The following CSMD3 variants were observed in gnomAD, a reference collection of about 807,000 sequenced individuals.
CSMD3 encodes the protein CUB and sushi domain-containing protein 3.
Under a neutral mutation model 435.2 loss-of-function variants are expected in CSMD3, and 177 were observed. That is an observed-to-expected ratio of 0.41 (90% CI 0.36 to 0.46). The LOEUF (loss-of-function observed/expected upper bound fraction) is 0.46, where lower values mean the gene tolerates loss of function less well. Ranked by LOEUF, CSMD3 falls within the 20% of genes least tolerant of loss-of-function variation. The pLI is 0.34. For missense variants in CSMD3, 4,265 were observed against 4,504.6 expected, an observed-to-expected ratio of 0.95 and a Z score of 1.52; for synonymous variants, 1,656 against 1,520.5, an observed-to-expected ratio of 1.09 and a Z score of -2.07.
Position 112,858,696 on chromosome 8 carries a change from T to C in CSMD3, c.1755+449A>G, listed in dbSNP as rs1421524022. On this transcript the variant is annotated intron_variant, in intron 11 of 70. Coordinates refer to ENST00000297405, the MANE Select transcript of CSMD3 (RefSeq NM_198123.2). ...AATATCCATAATATAAATTCTTTAT[T>C]AGTGCAGAGCACATTAAACCAACTA... Among the ~76,000 whole-genome samples, 4 of 151,866 alleles carry C rather than the reference T, an allele frequency of 2.6e-5. No homozygotes were observed. The South Asian group carries it at 8.3e-4, about 31-fold the overall frequency.
At position 112,365,480 on chromosome 8, in the gene CSMD3, T is replaced by A. The variant is rs1315701487; in HGVS notation, c.6137-12946A>T. 1.2e-3 allele frequency among the ~76,000 whole-genome samples: 182 copies of A among 149,196 alleles called. 1 individual carries two copies. Among genetic ancestry groups the A allele is most frequent in the African/African-American group, 4.1e-3 (169 of 40,748 alleles). ...ACGCATAGATTTCCTTTTTTTTTTTTTTTTTTTTTTTTACCAAATGGACTT... is the reference window on the plus strand; with the variant it reads ...ACGCATAGATTTCCTTTTTTTTTTTATTTTTTTTTTTTACCAAATGGACTT... On this transcript the variant is annotated intron_variant, in intron 38 of 70. Transcript: ENST00000297405.
At chr8:112,340,923 C>T (rs918540106) in intron 42 of CSMD3, among the ~76,000 whole-genome samples, 4 of 151,994 alleles carry the variant, frequency 2.6e-5, no homozygotes, top group African/African-American at 4.8e-5. Context: ...CTACTTACGC[C>T]CAAACCCTTT....
chr8:112,920,995 GCGCACACACACACACACA>G (rs2082723752), intron 10 of CSMD3, among the ~76,000 whole-genome samples: 1 of 108,894 alleles, frequency 9.2e-6, no homozygotes, highest in Non-Finnish European at 1.9e-5. Context: ...ATACGCGCGC[GCGCACACACACACACACA>G]CACACACACA....
chr8:113,112,398 T>C (rs2090672869), intron 4 of CSMD3, among the ~76,000 whole-genome samples: 5 of 1,612 alleles, frequency 3.1e-3, no homozygotes, highest in South Asian at 0.018. Flanking sequence ...TATATATATA[T>C]ATATATATAT....
At chr8:112,340,782 CA>C (rs1233792112) in intron 42 of CSMD3, among the ~76,000 whole-genome samples, 3 of 152,040 alleles carry the variant, frequency 2.0e-5, no homozygotes, top group Non-Finnish European at 2.9e-5. Flanking sequence ...ACCTTACATA[CA>C]TTTTTTAATA....
At chr8:112,296,771 T>A (rs1324143711) in intron 53 of CSMD3, among the ~76,000 whole-genome samples, 1 of 151,752 alleles carries the variant, frequency 6.6e-6, no homozygotes, top group Admixed American at 6.6e-5. Context: ...ATATTTAAGA[T>A]TACGAATAAT....
At chr8:112,539,494 T>C (rs1252747104) in intron 27 of CSMD3, among the ~76,000 whole-genome samples, 1 of 152,044 alleles carries the variant, frequency 6.6e-6, no homozygotes, top group Non-Finnish European at 1.5e-5. Context: ...GATAGCTTAG[T>C]GGCATCAAGC....
chr8:112,610,349 C>T (rs62516514), intron 22 of CSMD3, among the ~76,000 whole-genome samples: 5 of 151,008 alleles, frequency 3.3e-5, no homozygotes, highest in African/African-American at 4.9e-5. Flanking sequence ...AAAAAAAACC[C>T]ACAATGTTAA....
intron 4 of CSMD3, among the ~76,000 whole-genome samples, chr8:113,125,715 C>A (rs1299369809): frequency 6.6e-6 from 1 of 151,848 alleles, no homozygotes; most frequent in Non-Finnish European, 1.5e-5. Context: ...TGTTTAAAGA[C>A]AAAGACTGAG....
chr8:112,745,608 G>C (rs2077409112), intron 13 of CSMD3, among the ~76,000 whole-genome samples: 2 of 151,930 alleles, frequency 1.3e-5, no homozygotes, highest in South Asian at 4.2e-4. Flanking sequence ...AATTAATGAA[G>C]TTATAAAATG....
At chr8:112,230,829 A>C (rs372159406) in intron 69 of CSMD3, among the ~76,000 whole-genome samples, 1 of 152,188 alleles carries the variant, frequency 6.6e-6, no homozygotes, top group Non-Finnish European at 1.5e-5. Context: ...GAAAAAAAAA[A>C]AGTTCATTTC....
chr8:113,292,191 A>G (rs987985087), intron 2 of CSMD3, among the ~76,000 whole-genome samples: 3 of 151,782 alleles, frequency 2.0e-5, no homozygotes, highest in Admixed American at 2.0e-4. Flanking sequence ...AGAATGATAG[A>G]AATAGTTTAT....
At chr8:113,208,819 T>C (rs1292133593) in intron 3 of CSMD3, among the ~76,000 whole-genome samples, 3 of 152,090 alleles carry the variant, frequency 2.0e-5, no homozygotes, top group Non-Finnish European at 2.9e-5. Context: ...ATGTAGTGAA[T>C]ATGTGTGTAT....
chr8:112,978,843 C>T (rs2130950770), intron 6 of CSMD3, among the ~76,000 whole-genome samples: 1 of 151,980 alleles, frequency 6.6e-6, no homozygotes, highest in East Asian at 1.9e-4. Context: ...GCTCCTAGAA[C>T]ATTGCCTAGC....
chr8:112,741,772 TGATA>T (rs796331193), intron 13 of CSMD3, among the ~76,000 whole-genome samples: 7 of 133,734 alleles, frequency 5.2e-5, no homozygotes, highest in Admixed American at 2.4e-4. Context: ...GATAGATAGA[TGATA>T]GATAGATAGA....
At chr8:112,264,685 T>G (rs1816766145) in intron 60 of CSMD3, among the ~76,000 whole-genome samples, 1 of 152,138 alleles carries the variant, frequency 6.6e-6, no homozygotes. Context: ...CACATTGAAA[T>G]TATTAATTTT....
chr8:113,077,428 T>C (rs2089388380), intron 5 of CSMD3, among the ~76,000 whole-genome samples: 1 of 151,954 alleles, frequency 6.6e-6, no homozygotes, highest in Admixed American at 6.6e-5. Context: ...TCTAAGAATG[T>C]CAGTGGCTCA....
At chr8:112,731,642 A>T (rs2077077178) in intron 13 of CSMD3, among the ~76,000 whole-genome samples, 1 of 152,098 alleles carries the variant, frequency 6.6e-6, no homozygotes, top group African/African-American at 2.4e-5. Flanking sequence ...GGGTAATATC[A>T]AATGCCAATC....
rs548495587 is a variant in CSMD3 at position 112,587,531 on chromosome 8, A to C, written c.3716-296T>G. On this transcript the variant is annotated intron_variant, in intron 22 of 70. Transcript: ENST00000297405. ...GAAAGGGTGAGAGCATGAACTTAAGAATGTATTTTACATTTGTGATTTCTG... is the reference window on the plus strand; with the variant it reads ...GAAAGGGTGAGAGCATGAACTTAAGCATGTATTTTACATTTGTGATTTCTG... Among the ~76,000 whole-genome samples, 8 of 151,950 alleles carry C rather than the reference A, an allele frequency of 5.3e-5. No individual in the cohort carries two copies. The East Asian group carries it at 1.5e-3, about 29-fold the overall frequency.
Sources: allele counts gnomAD v4.1 joint callset (sites outside exome capture counted in the v4.1 genomes callset), GRCh38; gene constraint gnomAD v4.1.1; transcripts MANE v1.5; gene names NCBI Gene and HGNC (gene_info 2026-07-23, HGNC 2026-07-21).